SUGCT: variants seen among roughly 807,000 people sequenced by gnomAD.
The protein encoded by SUGCT is succinyl-CoA:glutarate CoA-transferase.
SUGCT carries 41 observed loss-of-function variants against 55.0 expected under a neutral mutation model. The ratio of observed to expected loss-of-function variants is 0.74; its 90% CI spans 0.58 to 0.97. The LOEUF (loss-of-function observed/expected upper bound fraction) is 0.97. Among genes scored for constraint, SUGCT ranks in the 50% least tolerant of loss-of-function variants. The pLI, the probability that SUGCT is intolerant of heterozygous loss-of-function variation, is 0.00. For synonymous variants in SUGCT, 187 were observed against 200.4 expected, an observed-to-expected ratio of 0.93 and a Z score of 0.56; for missense variants, 568 against 547.8, an observed-to-expected ratio of 1.04 and a Z score of -0.37.
intron 8 of SUGCT, among the ~76,000 whole-genome samples, chr7:40,315,160 A>G (rs907746242): frequency 1.3e-5 from 2 of 152,214 alleles, no homozygotes; most frequent in African/African-American, 4.8e-5. Context: ...CCAAGACTTT[A>G]TAGAGAATGT....
intron 12 of SUGCT, among the ~76,000 whole-genome samples, chr7:40,697,908 G>A (rs778846436): frequency 1.3e-5 from 2 of 152,186 alleles, no homozygotes; most frequent in Non-Finnish European, 2.9e-5. Flanking sequence ...CAGGACCTTT[G>A]AGAATACCCA....
intron 12 of SUGCT, among the ~76,000 whole-genome samples, chr7:40,595,753 G>A (rs1319920106): frequency 1.3e-5 from 2 of 152,088 alleles, no homozygotes; most frequent in Non-Finnish European, 2.9e-5. Flanking sequence ...AAGGTCAAAT[G>A]TGGTAACCAG....
intron 9 of SUGCT, among the ~76,000 whole-genome samples, chr7:40,339,124 G>C (rs189998771): frequency 3.9e-5 from 6 of 152,298 alleles, no homozygotes; most frequent in African/African-American, 1.4e-4. Context: ...TCTCAGAGGG[G>C]TACCCAGCCG....
In SUGCT at chr7:40,740,166, T is replaced by G. The variant is rs191923744; in HGVS notation, c.1090-9268T>G. On this transcript the variant is annotated intron_variant, in intron 12 of 13. Coordinates refer to ENST00000335693, the MANE Select transcript of SUGCT (RefSeq NM_001193313.2). The stretch of plus-strand genomic sequence containing the variant: ...TCTAAGTATTTCATTTTATTTTTAG[T>G]GACTATTAATGGTGTTGTTTTTAAT... Among the ~76,000 whole-genome samples the G allele has an allele frequency of 7.2e-4, 110 of 152,246 alleles. 1 individual carries two copies. Among genetic ancestry groups the G allele is most frequent in the Admixed American group, 3.3e-3 (51 of 15,298 alleles).
At chr7:40,254,035 G>C (rs190748265) in intron 7 of SUGCT, among the ~76,000 whole-genome samples, 2 of 152,320 alleles carry the variant, frequency 1.3e-5, no homozygotes, top group Admixed American at 1.3e-4. Context: ...TGTTATTGAA[G>C]CTCATATGAT....
intron 12 of SUGCT, among the ~76,000 whole-genome samples, chr7:40,512,473 T>C (rs1792982240): frequency 6.6e-6 from 1 of 152,210 alleles, no homozygotes; most frequent in Non-Finnish European, 1.5e-5. Context: ...TTTACACAGT[T>C]AGACAGACCT....
intron 13 of SUGCT, among the ~76,000 whole-genome samples, chr7:40,784,350 C>CTTTTCA (rs1789913396): frequency 6.6e-6 from 1 of 152,198 alleles, no homozygotes. Flanking sequence ...TAAGAGCATT[C>CTTTTCA]TTTTCATTCT....
intron 12 of SUGCT, among the ~76,000 whole-genome samples, chr7:40,565,537 T>G (rs1309326295): frequency 1.3e-5 from 2 of 152,214 alleles, no homozygotes; most frequent in Admixed American, 6.5e-5. Flanking sequence ...GTTTTCAGCA[T>G]TGTGCTTTAC....
At chr7:40,749,936 G>A (rs1248317928) in intron 13 of SUGCT, among the ~76,000 whole-genome samples, 3 of 152,178 alleles carry the variant, frequency 2.0e-5, no homozygotes, top group East Asian at 1.9e-4. Context: ...TTTCAGAACC[G>A]TGGTTTAAGG....
At chr7:41,037,234 C>A in the SUGCT span, among the ~76,000 whole-genome samples, 2 of 151,942 alleles carry the variant, frequency 1.3e-5, no homozygotes, top group Non-Finnish European at 2.9e-5. Context: ...TTTTTCTGCC[C>A]CTCTGAAGCC....
chr7:40,336,904 C>G (rs1796742793), intron 9 of SUGCT, among the ~76,000 whole-genome samples: 1 of 152,062 alleles, frequency 6.6e-6, no homozygotes, highest in African/African-American at 2.4e-5. Context: ...AAATTTCCCT[C>G]TACACACAGC....
At chr7:40,683,229 G>A (rs1252421220) in intron 12 of SUGCT, among the ~76,000 whole-genome samples, 1 of 152,058 alleles carries the variant, frequency 6.6e-6, no homozygotes, top group Non-Finnish European at 1.5e-5. Context: ...AAGTGATCAG[G>A]GCGATTTTCC....
intron 12 of SUGCT, among the ~76,000 whole-genome samples, chr7:40,553,546 A>G (rs1027536800): frequency 6.6e-6 from 1 of 152,142 alleles, no homozygotes; most frequent in African/African-American, 2.4e-5. Flanking sequence ...AATCCATGTG[A>G]TTTCTTTCTA....
Position 40,447,472 on chromosome 7 carries a change from G to C in SUGCT, c.817-1815G>C, listed in dbSNP as rs111658061. 3.8e-3 allele frequency among the ~76,000 whole-genome samples: 572 copies of C among 152,156 alleles called. 8 individuals carry two copies. The highest frequency in any genetic ancestry group is 0.013 in the African/African-American group (536 of 41,504). On this transcript the variant is annotated intron_variant, in intron 9 of 13. Coordinates refer to ENST00000335693, the MANE Select transcript of SUGCT (RefSeq NM_001193313.2). ...CCAAATAATACAGAGGGTTCAAAAA[G>C]TATAGTTCAGTGTGATAGTAAGTAT...
At chr7:40,284,972 CATT>C (rs1287737874) in intron 8 of SUGCT, among the ~76,000 whole-genome samples, 10 of 152,034 alleles carry the variant, frequency 6.6e-5, no homozygotes, top group Non-Finnish European at 1.2e-4. Flanking sequence ...TAACTGAAGT[CATT>C]AGTTATATTC....
intron 12 of SUGCT, among the ~76,000 whole-genome samples, chr7:40,710,189 A>T (rs1037033991): frequency 3.3e-5 from 5 of 152,226 alleles, no homozygotes; most frequent in African/African-American, 1.2e-4. Flanking sequence ...TCTCTGGGTT[A>T]TGAAACATTC....
At chr7:40,167,406 A>C (rs890366409) in intron 1 of SUGCT, among the ~76,000 whole-genome samples, 1 of 152,204 alleles carries the variant, frequency 6.6e-6, no homozygotes, top group Non-Finnish European at 1.5e-5. Flanking sequence ...TAGGTGCTAG[A>C]AAGTTCTCTT....
chr7:40,592,507 G>T (rs1181297585), intron 12 of SUGCT, among the ~76,000 whole-genome samples: 1 of 152,180 alleles, frequency 6.6e-6, no homozygotes, highest in Non-Finnish European at 1.5e-5. Flanking sequence ...GTGAATAAAG[G>T]AGGTTGGAAA....
intron 12 of SUGCT, among the ~76,000 whole-genome samples, chr7:40,547,126 C>T (rs750566037): frequency 2.0e-5 from 3 of 152,098 alleles, no homozygotes; most frequent in African/African-American, 4.8e-5. Flanking sequence ...CTGCAGTTGA[C>T]AAGCAGGAAA....
Sources: allele counts gnomAD v4.1 joint callset (sites outside exome capture counted in the v4.1 genomes callset), GRCh38; gene constraint gnomAD v4.1.1; transcripts MANE v1.5; gene names NCBI Gene and HGNC (gene_info 2026-07-23, HGNC 2026-07-21).